PIK3C2G: variants seen among roughly 807,000 people sequenced by gnomAD.
The protein encoded by PIK3C2G is phosphatidylinositol 3-kinase C2 domain-containing subunit gamma.
Under a neutral mutation model 181.1 loss-of-function variants are expected in PIK3C2G, and 168 were observed. The ratio of observed to expected loss-of-function variants is 0.93; its 90% CI spans 0.82 to 1.05. The LOEUF is 1.05. Ranked by LOEUF, PIK3C2G falls within the 50% of genes least tolerant of loss-of-function variation. The pLI, the probability that PIK3C2G is intolerant of heterozygous loss-of-function variation, is 0.00. For synonymous variants in PIK3C2G, 573 were observed against 592.2 expected (o/e 0.97, Z 0.47); for missense variants, 1,869 against 1,732.8 (o/e 1.08, Z -1.40).
At chr12:18,420,891 CA>C (rs755511354) in intron 16 of PIK3C2G, 49 bp from the exon 17 acceptor site, 1 of 928,088 alleles carries the variant, frequency 1.1e-6, no homozygotes, top group East Asian at 2.4e-5. Context: ...ATGTCTTATG[CA>C]TTATTCCTTA....
chr12:18,253,681 G>A (rs998582961), intron 1 of PIK3C2G, among the ~76,000 whole-genome samples: 1 of 152,156 alleles, frequency 6.6e-6, no homozygotes, highest in African/African-American at 2.4e-5. Flanking sequence ...GTAGCGCAAT[G>A]AAACTCTTGA....
intron 22 of PIK3C2G, 35 bp from the exon 23 acceptor site, chr12:18,503,246 G>A (rs539169507): frequency 1.3e-6 from 2 of 1,535,542 alleles, no homozygotes; most frequent in Non-Finnish European, 1.8e-6. Flanking sequence ...TTGTGATGAA[G>A]GAATTGTCTC....
intron 1 of PIK3C2G, among the ~76,000 whole-genome samples, chr12:18,253,382 A>C (rs1348858989): frequency 6.6e-6 from 1 of 152,228 alleles, no homozygotes; most frequent in Non-Finnish European, 1.5e-5. Context: ...AGTTGTTAAA[A>C]AAAATTGGTG....
At chr12:18,571,590 C>T (rs758551582) in intron 29 of PIK3C2G, among the ~76,000 whole-genome samples, 3 of 150,834 alleles carry the variant, frequency 2.0e-5, no homozygotes, top group African/African-American at 4.9e-5. Context: ...TTTTCACTAA[C>T]GTTCACGTGT....
chr12:18,293,903 A>T lies in PIK3C2G; in HGVS notation c.922A>T (p.Asn308Tyr). The T allele has an allele frequency of 7.0e-7, 1 of 1,435,120 alleles. No homozygotes were observed. The highest frequency in any genetic ancestry group is 9.8e-7 in the Non-Finnish European group (1 of 1,017,754). 88.9% of individuals were successfully genotyped at this position (1,435,120 alleles called of 1,614,324 possible). A position where few individuals can be genotyped will look rare whatever the true frequency, so the allele number is the denominator to read the frequency against. The change falls in exon 5 of 33, where the codon AAT (asparagine) becomes TAT (tyrosine). Residue 308 changes from asparagine (N) to tyrosine (Y), a missense_variant and splice_region_variant. Transcript: ENST00000538779. ...TQPLHFMPCANYLVKDLIAEI... is the reference protein window; with the variant it reads ...TQPLHFMPCAYYLVKDLIAEI... ...TTATTATTCCTCTTTTTCTTTAGCT[A>T]ATTATCTTGTCAAAGATCTAATTGC...
chr12:18,567,045 T>A lies in PIK3C2G; in HGVS notation c.3999T>A (p.His1333Gln). The change falls in exon 29 of 33, where the codon CAT becomes CAA. Residue 1333 changes from histidine to glutamine, a missense_variant. By Grantham distance (24) the His-to-Gln change is conservative. Transcript: ENST00000538779. The stretch of plus-strand genomic sequence containing the variant: ...TGGAACAGATATTAAATGTATCACA[T>A]GAAGTTACAAACGTATGTTATAATT... ...HYMEQILNVS[H>Q]EVTNSDCVLS... 1.5e-6 allele frequency: 2 copies of A among 1,370,970 alleles called. No homozygotes were observed. Among genetic ancestry groups the A allele is most frequent in the Non-Finnish European group, 2.1e-6 (2 of 966,670 alleles). The allele number at this position is 1,370,970 out of a possible 1,614,324, so 84.9% of individuals were successfully genotyped here. A position where few individuals can be genotyped will look rare whatever the true frequency, so the allele number is the denominator to read the frequency against.
chr12:18,726,243 G>A, the PIK3C2G span, among the ~76,000 whole-genome samples: 1 of 151,954 alleles, frequency 6.6e-6, no homozygotes, highest in Non-Finnish European at 1.5e-5. Flanking sequence ...CCCACCTCAG[G>A]GTTCACTACC....
intron 1 of PIK3C2G, among the ~76,000 whole-genome samples, chr12:18,264,572 C>A (rs182281751): frequency 1.3e-3 from 203 of 152,088 alleles, no homozygotes; most frequent in African/African-American, 4.6e-3. Context: ...ATCACGTTGG[C>A]TTCCTCCTTT....
In PIK3C2G at chr12:18,411,986, A is replaced by G. The variant is rs188103928; in HGVS notation, c.2316-8955A>G. Among the ~76,000 whole-genome samples the G allele has an allele frequency of 7.6e-3, 1,160 of 152,168 alleles. 15 individuals carry two copies. The highest frequency in any genetic ancestry group is 0.027 in the African/African-American group (1,104 of 41,500). On this transcript the variant is annotated intron_variant, in intron 16 of 32. Transcript: ENST00000538779. Reference sequence around the variant, plus strand: ...AAAAAGGAATAGAAGTGTTTTTTTTACTGTCAAATGGAAGAACTTGAAAAA... The same window carrying G: ...AAAAAGGAATAGAAGTGTTTTTTTTGCTGTCAAATGGAAGAACTTGAAAAA...
intron 15 of PIK3C2G, among the ~76,000 whole-genome samples, chr12:18,394,168 C>A (rs528790870): frequency 6.6e-6 from 1 of 152,002 alleles, no homozygotes; most frequent in East Asian, 1.9e-4. Context: ...ATAAAGAAAC[C>A]AAAAAGATGC....
intron 1 of PIK3C2G, among the ~76,000 whole-genome samples, chr12:18,262,915 A>G (rs17408597): frequency 0.039 from 5,964 of 152,288 alleles, 159 homozygotes; most frequent in Non-Finnish European, 0.058. Context: ...TTCCAAATGT[A>G]TGATCTGATG....
At chr12:18,607,796 CTCATCTGACAAAGGGCTAGTA>C in intron 30 of PIK3C2G, among the ~76,000 whole-genome samples, 1 of 152,198 alleles carries the variant, frequency 6.6e-6, no homozygotes, top group Non-Finnish European at 1.5e-5. Context: ...TTGCAATCTA[CTCATCTGACAAAGGGCTAGTA>C]TCCAGAATCT....
rs376875784 is a variant in PIK3C2G at position 18,306,899 on chromosome 12, A to G, written c.1035-7063A>G. 1.1e-4 allele frequency among the ~76,000 whole-genome samples: 16 copies of G among 151,790 alleles called. No individual in the cohort carries two copies. In the East Asian group the frequency reaches 1.2e-3, roughly 11 times the overall value. On this transcript the variant is annotated intron_variant, in intron 5 of 32. Transcript: ENST00000538779. ...CTATACATGAGTTTAATATTTCACA[A>G]TACACCTCTGTGACTACTTCTTACA...
chr12:18,679,469 A>G, the PIK3C2G span, among the ~76,000 whole-genome samples: 1 of 151,878 alleles, frequency 6.6e-6, no homozygotes, highest in African/African-American at 2.4e-5. Flanking sequence ...ATTTTTGTGT[A>G]TTGTGCATTA....
chr12:18,672,573 C>T, the PIK3C2G span, among the ~76,000 whole-genome samples: 1 of 152,258 alleles, frequency 6.6e-6, no homozygotes, highest in East Asian at 1.9e-4. Context: ...CACTACTCAT[C>T]ACATTTGAAT....
chr12:18,353,128 T>TA (rs1409388288), intron 11 of PIK3C2G, among the ~76,000 whole-genome samples: 2 of 152,154 alleles, frequency 1.3e-5, no homozygotes, highest in Admixed American at 1.3e-4. Flanking sequence ...AGGCACATCT[T>TA]ACTGCCATTA....
At chr12:18,447,204 A>T (rs1947077211) in intron 18 of PIK3C2G, among the ~76,000 whole-genome samples, 2 of 152,190 alleles carry the variant, frequency 1.3e-5, no homozygotes, top group African/African-American at 4.8e-5. Context: ...ATGAACCACG[A>T]GTGGCAGTTC....
chr12:18,346,986 AT>A, intron 11 of PIK3C2G, 150 bp downstream of exon 11: 1 of 429,794 alleles, frequency 2.3e-6, no homozygotes, highest in Non-Finnish European at 4.1e-6. Context: ...TTAAAATCAC[AT>A]TTTAAATGTT....
At chr12:18,679,345 A>C in the PIK3C2G span, among the ~76,000 whole-genome samples, 8 of 152,054 alleles carry the variant, frequency 5.3e-5, no homozygotes, top group Admixed American at 5.2e-4. Flanking sequence ...CATGCATTTA[A>C]TGTTTCAAGA....
Sources: allele counts gnomAD v4.1 joint callset (sites outside exome capture counted in the v4.1 genomes callset), GRCh38; gene constraint gnomAD v4.1.1; transcripts MANE v1.5; gene names NCBI Gene and HGNC (gene_info 2026-07-23, HGNC 2026-07-21).